Variants in FDCSP observed in about 807,000 individuals in gnomAD.
The protein encoded by FDCSP is follicular dendritic cell secreted protein.
In FDCSP, 8 loss-of-function variants were observed where a neutral mutation model predicts 8.9. That is an observed-to-expected ratio of 0.90 (90% CI 0.53 to 1.63). The LOEUF is 1.63. FDCSP is among the 40% of genes most tolerant of loss of function. The pLI is 0.00. For synonymous variants in FDCSP, 34 were observed against 34.5 expected, an observed-to-expected ratio of 0.98 and a Z score of 0.06; for missense variants, 101 against 103.6, an observed-to-expected ratio of 0.98 and a Z score of 0.11.
At chr4:70,229,959 A>G (rs755663110) in intron 1 of FDCSP, among the ~76,000 whole-genome samples, 6 of 151,666 alleles carry the variant, frequency 4.0e-5, no homozygotes, top group Non-Finnish European at 8.9e-5. Flanking sequence ...GCTGTTGGAA[A>G]AATGGTGCTG....
At chr4:70,227,321 C>T (rs1373468877) in intron 1 of FDCSP, among the ~76,000 whole-genome samples, 1 of 151,686 alleles carries the variant, frequency 6.6e-6, no homozygotes, top group Non-Finnish European at 1.5e-5. Context: ...ATTTTACATT[C>T]CTGTCTTCTC....
At chr4:70,234,368 T>C (rs1413916227) in intron 4 of FDCSP, among the ~76,000 whole-genome samples, 153 bp downstream of exon 4, 1 of 151,702 alleles carries the variant, frequency 6.6e-6, no homozygotes, top group African/African-American at 2.4e-5. Flanking sequence ...CTGTCACGTG[T>C]GTCCACTCAG....
At chr4:70,234,346 C>G in intron 4 of FDCSP, 131 bp downstream of exon 4, 2 of 707,234 alleles carry the variant, frequency 2.8e-6, no homozygotes, top group South Asian at 4.3e-5. Flanking sequence ...TAATGTTTTT[C>G]TCTGGTAGAT....
chr4:70,226,429 A>G (rs896209486), intron 1 of FDCSP, among the ~76,000 whole-genome samples: 1 of 151,782 alleles, frequency 6.6e-6, no homozygotes, highest in African/African-American at 2.4e-5. Context: ...AGTGACCATA[A>G]ATGAATCTTT....
At chr4:70,231,797 T>A (rs943490475) in intron 2 of FDCSP, among the ~76,000 whole-genome samples, 1 of 151,702 alleles carries the variant, frequency 6.6e-6, no homozygotes, top group Non-Finnish European at 1.5e-5. Flanking sequence ...GAAACCATTA[T>A]TGTCATAGGA....
intron 1 of FDCSP, among the ~76,000 whole-genome samples, chr4:70,230,053 G>T (rs1361743331): frequency 4.6e-5 from 7 of 151,582 alleles, no homozygotes; most frequent in African/African-American, 1.7e-4. Context: ...ATAAAATGAG[G>T]TGTGCCTGTA....
chr4:70,232,981 A>C lies in FDCSP; in HGVS notation c.58-13A>C. On this transcript the variant is annotated splice_polypyrimidine_tract_variant and intron_variant, in intron 2 of 4. Transcript: ENST00000317987. ...GAGCATGAGTTTAATTAATTTCACTATTTGATCTTTAGGTCTCTCAAGACC... is the reference window on the plus strand; with the variant it reads ...GAGCATGAGTTTAATTAATTTCACTCTTTGATCTTTAGGTCTCTCAAGACC... 1.3e-6 allele frequency: 2 copies of C among 1,588,890 alleles called. No individual in the cohort carries two copies. The highest frequency in any genetic ancestry group is 1.7e-6 in the Non-Finnish European group (2 of 1,169,508).
chr4:70,228,182 A>G (rs1202829557), intron 1 of FDCSP, among the ~76,000 whole-genome samples: 1 of 151,860 alleles, frequency 6.6e-6, no homozygotes, highest in African/African-American at 2.4e-5. Flanking sequence ...TTATCAATTA[A>G]GTTTATGTAG....
chr4:70,234,031 C>T lies in FDCSP; in HGVS notation c.102C>T (p.Ser34=), dbSNP rs766366241. The T allele has an allele frequency of 3.4e-5, 55 of 1,603,818 alleles. No individual in the cohort carries two copies. Among genetic ancestry groups the T allele is most frequent in the South Asian group, 1.9e-4 (17 of 89,000 alleles). ...CTTTCTTTCAACAGATCAGTGACAGCGATGAATTAGCTTCAGGGTTTTTTG... is the reference window on the plus strand; with the variant it reads ...CTTTCTTTCAACAGATCAGTGACAGTGATGAATTAGCTTCAGGGTTTTTTG... ...QEREKRSISD[S]DELASGFFVF... Residue 34 remains serine (S), a synonymous_variant, in exon 4 of 5, where the codon AGC becomes AGT. Transcript: ENST00000317987.
intron 1 of FDCSP, among the ~76,000 whole-genome samples, chr4:70,230,605 C>A (rs1384267299): frequency 2.0e-5 from 3 of 151,622 alleles, no homozygotes; most frequent in African/African-American, 2.4e-5. Flanking sequence ...CCATGGACTG[C>A]AGGATGGATT....
Position 70,234,013 on chromosome 4 carries a change from T to C in FDCSP, c.91-7T>C. The stretch of plus-strand genomic sequence containing the variant: ...AAATAAACCCTTTAACTTCTTTCTT[T>C]CAACAGATCAGTGACAGCGATGAAT... On this transcript the variant is annotated splice_region_variant and splice_polypyrimidine_tract_variant and intron_variant, in intron 3 of 4. Transcript: ENST00000317987. 1 of 1,594,816 alleles carries C rather than the reference T, an allele frequency of 6.3e-7. No homozygotes were observed.
In FDCSP at chr4:70,229,426, T is replaced by C. The variant is rs191223485; in HGVS notation, c.1-1769T>C. On this transcript the variant is annotated intron_variant, in intron 1 of 4. Transcript: ENST00000317987. ...GTGTTCATTGTAGTAGCACTTTTAATTCCCTTCAAAACTTTTCCTTCGCAT... is the reference window on the plus strand; with the variant it reads ...GTGTTCATTGTAGTAGCACTTTTAACTCCCTTCAAAACTTTTCCTTCGCAT... Among the ~76,000 whole-genome samples, 3 of 151,950 alleles carry C rather than the reference T, an allele frequency of 2.0e-5. No individual in the cohort carries two copies. In the East Asian group the frequency reaches 5.8e-4, roughly 30 times the overall value.
At chr4:70,229,454 A>G (rs1387423109) in intron 1 of FDCSP, among the ~76,000 whole-genome samples, 1 of 151,774 alleles carries the variant, frequency 6.6e-6, no homozygotes, top group Non-Finnish European at 1.5e-5. Context: ...CTTCGCATTC[A>G]CAACTTGGCT....
chr4:70,226,688 T>A (rs1437897709), intron 1 of FDCSP, among the ~76,000 whole-genome samples: 1 of 151,918 alleles, frequency 6.6e-6, no homozygotes, highest in African/African-American at 2.4e-5. Flanking sequence ...GTCTTTCCCA[T>A]AAACTCTTGA....
At chr4:70,234,447 A>G (rs1730140500) in intron 4 of FDCSP, among the ~76,000 whole-genome samples, 2 of 151,682 alleles carry the variant, frequency 1.3e-5, no homozygotes. Flanking sequence ...TTGTGATGTA[A>G]CAGAAACAAT....
chr4:70,229,735 G>C (rs116193747), intron 1 of FDCSP, among the ~76,000 whole-genome samples: 1 of 151,592 alleles, frequency 6.6e-6, no homozygotes, highest in Non-Finnish European at 1.5e-5. Context: ...TATCAAATAA[G>C]TTTGCCACTT....
intron 1 of FDCSP, among the ~76,000 whole-genome samples, chr4:70,228,796 AC>A (rs1560491684): frequency 6.6e-6 from 1 of 151,822 alleles, no homozygotes; most frequent in Admixed American, 6.6e-5. Context: ...TTTGAAAAAA[AC>A]ATTTTTTCCT....
At chr4:70,227,780 T>C (rs921194497) in intron 1 of FDCSP, among the ~76,000 whole-genome samples, 8 of 151,762 alleles carry the variant, frequency 5.3e-5, no homozygotes, top group African/African-American at 1.4e-4. Context: ...TACATAAAAG[T>C]TATGATTACA....
At chr4:70,233,538 C>G (rs1355462320) in intron 3 of FDCSP, among the ~76,000 whole-genome samples, 8 of 151,512 alleles carry the variant, frequency 5.3e-5, no homozygotes, top group South Asian at 2.1e-4. Context: ...TTATGGAAAT[C>G]CTGTTATCTG....
Sources: gnomAD v4.1 joint callset for allele counts (sites outside exome capture counted in the v4.1 genomes callset) on GRCh38, gnomAD v4.1.1 for gene constraint, MANE v1.5 for transcripts, NCBI Gene and HGNC (gene_info 2026-07-23, HGNC 2026-07-21) for gene names.